The following ACOXL variants were observed in gnomAD, a reference collection of about 807,000 sequenced individuals.
ACOXL encodes the protein acyl-coenzyme A oxidase-like protein.
ACOXL carries 70 observed loss-of-function variants against 71.9 expected under a neutral mutation model. The observed-to-expected ratio is 0.97, with a 90% CI of 0.80 to 1.19. The LOEUF is 1.19. Ranked by LOEUF, ACOXL falls within the 50% of genes most tolerant of loss-of-function variation. The pLI is 0.00. For synonymous variants in ACOXL, 253 were observed against 281.6 expected (o/e 0.90, Z 1.02); for missense variants, 703 against 736.3 (o/e 0.95, Z 0.52).
At chr2:111,016,683 GA>G in intron 14 of ACOXL, 1 of 153,028 alleles carries the variant, frequency 6.5e-6, no homozygotes, top group Non-Finnish European at 1.5e-5. Context: ...GTGTTACATC[GA>G]AAAATGGCAG....
chr2:111,071,879 T>G (rs1205905512), intron 16 of ACOXL, among the ~76,000 whole-genome samples: 1 of 152,158 alleles, frequency 6.6e-6, no homozygotes, highest in Non-Finnish European at 1.5e-5. Context: ...CTAGGCCCTG[T>G]GGGGAACTCC....
chr2:110,948,447 A>G (rs916172115), intron 12 of ACOXL, among the ~76,000 whole-genome samples: 2 of 152,190 alleles, frequency 1.3e-5, no homozygotes, highest in Non-Finnish European at 2.9e-5. Context: ...TTTATCTGGC[A>G]TCAGCCAACC....
chr2:110,737,020 G>T (rs769886354), intron 1 of ACOXL, among the ~76,000 whole-genome samples: 8 of 151,990 alleles, frequency 5.3e-5, no homozygotes, highest in Admixed American at 4.6e-4. Flanking sequence ...TGGTTTTTCC[G>T]CATTTTTCTA....
intron 16 of ACOXL, among the ~76,000 whole-genome samples, chr2:111,083,077 A>C (rs1366345845): frequency 6.6e-6 from 1 of 152,122 alleles, no homozygotes; most frequent in Non-Finnish European, 1.5e-5. Context: ...AGAAATACCT[A>C]ATGTAGATGA....
chr2:111,011,223 TATTA>T (rs1361275824), intron 14 of ACOXL, among the ~76,000 whole-genome samples: 4 of 152,210 alleles, frequency 2.6e-5, no homozygotes. Context: ...AGTAGTATCA[TATTA>T]ATTCAAAGCA....
intron 11 of ACOXL, among the ~76,000 whole-genome samples, chr2:110,915,746 A>C (rs1460498135): frequency 1.3e-5 from 2 of 151,936 alleles, no homozygotes; most frequent in Admixed American, 1.3e-4. Context: ...TATTTTTTAT[A>C]TTACTAGAGT....
At chr2:110,872,243 G>A (rs1695369187) in intron 10 of ACOXL, among the ~76,000 whole-genome samples, 1 of 152,202 alleles carries the variant, frequency 6.6e-6, no homozygotes, top group Non-Finnish European at 1.5e-5. Context: ...TGGAACTGGT[G>A]TAGGATCATT....
chr2:110,852,638 T>C (rs905699410), intron 10 of ACOXL, among the ~76,000 whole-genome samples: 5 of 152,142 alleles, frequency 3.3e-5, no homozygotes, highest in African/African-American at 1.2e-4. Flanking sequence ...CTACATCACA[T>C]GGGGGACTGG....
intron 8 of ACOXL, among the ~76,000 whole-genome samples, chr2:110,802,018 T>G (rs1467481695): frequency 6.6e-6 from 1 of 152,230 alleles, no homozygotes; most frequent in East Asian, 1.9e-4. Context: ...AGATTTTTAC[T>G]AAGCGAGATC....
chr2:111,114,499 A>G (rs1166469060), intron 17 of ACOXL, among the ~76,000 whole-genome samples: 1 of 152,138 alleles, frequency 6.6e-6, no homozygotes, highest in African/African-American at 2.4e-5. Context: ...ATGAAGGGAC[A>G]TTTCAAGTTT....
chr2:110,740,222 T>C (rs569025781), intron 1 of ACOXL, among the ~76,000 whole-genome samples: 15 of 152,380 alleles, frequency 9.8e-5, no homozygotes, highest in African/African-American at 3.6e-4. Flanking sequence ...TGGAAAACGC[T>C]GACCAATATT....
chr2:110,981,988 A>G (rs970283433), intron 12 of ACOXL, among the ~76,000 whole-genome samples: 1 of 152,224 alleles, frequency 6.6e-6, no homozygotes, highest in Non-Finnish European at 1.5e-5. Flanking sequence ...AGAGACACCA[A>G]CAAGGTCCAG....
At chr2:110,868,512 C>A (rs527624439) in intron 10 of ACOXL, among the ~76,000 whole-genome samples, 1 of 152,356 alleles carries the variant, frequency 6.6e-6, no homozygotes, top group Admixed American at 6.5e-5. Context: ...TCACAACCAG[C>A]TGGCCTGGTC....
chr2:110,939,425 C>T (rs1232591040), intron 12 of ACOXL, among the ~76,000 whole-genome samples: 1 of 152,054 alleles, frequency 6.6e-6, no homozygotes, highest in African/African-American at 2.4e-5. Context: ...TTTTAGAACC[C>T]CCCTAATTTA....
At chr2:110,768,994 C>T (rs1464594737) in intron 2 of ACOXL, among the ~76,000 whole-genome samples, 1 of 151,800 alleles carries the variant, frequency 6.6e-6, no homozygotes, top group Non-Finnish European at 1.5e-5. Context: ...CCCACACATT[C>T]ACTTCTCCAA....
At chr2:110,844,731 G>A (rs1691589982) in intron 10 of ACOXL, among the ~76,000 whole-genome samples, 1 of 151,812 alleles carries the variant, frequency 6.6e-6, no homozygotes, top group African/African-American at 2.4e-5. Flanking sequence ...ATTTTTAGTA[G>A]AGACAGGGTT....
At chr2:110,862,792 A>G (rs1357416011) in intron 10 of ACOXL, among the ~76,000 whole-genome samples, 1 of 152,172 alleles carries the variant, frequency 6.6e-6, no homozygotes, top group Non-Finnish European at 1.5e-5. Context: ...CTCCCAGAAA[A>G]GAGTTGCCCT....
chr2:110,817,025 T>C (rs552504185), intron 9 of ACOXL, among the ~76,000 whole-genome samples: 7 of 152,210 alleles, frequency 4.6e-5, no homozygotes, highest in Non-Finnish European at 1.0e-4. Flanking sequence ...ACAGTCTGCC[T>C]ACTTCTCCCT....
At chr2:111,003,530 G>A (rs1207654837) in intron 14 of ACOXL, among the ~76,000 whole-genome samples, 3 of 116,182 alleles carry the variant, frequency 2.6e-5, no homozygotes, top group South Asian at 3.2e-4. Context: ...CAGCCTGGGC[G>A]ACAGGGCGAG....
Sources: gnomAD v4.1 joint callset for allele counts (sites outside exome capture counted in the v4.1 genomes callset) on GRCh38, gnomAD v4.1.1 for gene constraint, MANE v1.5 for transcripts, NCBI Gene and HGNC (gene_info 2026-07-23, HGNC 2026-07-21) for gene names.